The following KIFC3 variants were observed in gnomAD, a reference collection of about 807,000 sequenced individuals.
The protein encoded by KIFC3 is kinesin-like protein KIFC3.
A neutral mutation model predicts 101.8 loss-of-function variants in KIFC3; 60 were observed. The ratio of observed to expected loss-of-function variants is 0.59; its 90% CI spans 0.48 to 0.73. The LOEUF is 0.73. KIFC3 is among the 30% of genes least tolerant of loss of function. The pLI is 0.00. For synonymous variants in KIFC3, 476 were observed against 482.7 expected (o/e 0.99, Z 0.18); for missense variants, 966 against 1,137.1 (o/e 0.85, Z 2.16).
intron 1 of KIFC3, among the ~76,000 whole-genome samples, chr16:57,841,265 A>G (rs991126914): frequency 2.6e-5 from 4 of 152,338 alleles, no homozygotes; most frequent in Admixed American, 6.5e-5. Context: ...TAGGGTGGTC[A>G]AGGAAGGCCC....
At chr16:57,767,073 T>A in intron 9 of KIFC3, 88 bp from the exon 10 acceptor site, 2 of 1,005,326 alleles carry the variant, frequency 2.0e-6, no homozygotes, top group Non-Finnish European at 3.1e-6. Flanking sequence ...GCTCACTGCC[T>A]CCTGCCCCTG....
chr16:57,852,783 G>T (rs532539941), intron 1 of KIFC3, among the ~76,000 whole-genome samples: 1 of 152,130 alleles, frequency 6.6e-6, no homozygotes, highest in East Asian at 1.9e-4. Flanking sequence ...CAAACTAGGG[G>T]AGACTAAAGG....
intron 1 of KIFC3, among the ~76,000 whole-genome samples, chr16:57,855,542 A>C (rs1288129981): frequency 3.3e-5 from 5 of 152,112 alleles, no homozygotes; most frequent in South Asian, 4.1e-4. Context: ...AATTTATAAC[A>C]TCAAATGCTT....
chr16:57,797,282 A>G (rs1431729783), intron 2 of KIFC3, among the ~76,000 whole-genome samples: 1 of 152,232 alleles, frequency 6.6e-6, no homozygotes, highest in African/African-American at 2.4e-5. Context: ...CACGAGGGAC[A>G]GGGAGCAGAC....
chr16:57,846,702 C>T (rs1596866057), intron 1 of KIFC3, among the ~76,000 whole-genome samples: 1 of 152,236 alleles, frequency 6.6e-6, no homozygotes, highest in Non-Finnish European at 1.5e-5. Context: ...TACAACCGAT[C>T]CACTTTCGTT....
chr16:57,842,966 C>G (rs1368608099), intron 1 of KIFC3, among the ~76,000 whole-genome samples: 4 of 152,042 alleles, frequency 2.6e-5, no homozygotes, highest in Non-Finnish European at 2.9e-5. Context: ...AACCCCGTCT[C>G]TACTAAAAAT....
intron 2 of KIFC3, chr16:57,797,849 C>T (rs1200415704): frequency 1.4e-6 from 2 of 1,445,714 alleles, no homozygotes; most frequent in Non-Finnish European, 1.8e-6. Context: ...AAAGTTTAAC[C>T]CGGCTTCCAG....
chr16:57,777,890 A>G (rs970950270), intron 3 of KIFC3, among the ~76,000 whole-genome samples: 1 of 152,246 alleles, frequency 6.6e-6, no homozygotes, highest in African/African-American at 2.4e-5. Context: ...TTAATGTGGG[A>G]AAGGATAATC....
At chr16:57,816,105 C>G (rs1325260133) in intron 1 of KIFC3, 1 of 924,056 alleles carries the variant, frequency 1.1e-6, no homozygotes, top group African/African-American at 1.8e-5. Context: ...GTCAAATCCT[C>G]TTACCAGTGG....
chr16:57,854,645 G>A (rs199746702), intron 1 of KIFC3, among the ~76,000 whole-genome samples: 61 of 124,984 alleles, frequency 4.9e-4, no homozygotes, highest in Non-Finnish European at 5.0e-4. Flanking sequence ...AAAAAAAAAA[G>A]AAAGAAAGAA....
rs782016349 is a variant in KIFC3 at position 57,771,176 on chromosome 16, G to T, written c.765+22C>A. On this transcript the variant is annotated intron_variant, in intron 6 of 19. Transcript: ENST00000445690. ...GCCAGGGGCCTTGGGCTGAGGCACA[G>T]ATCAGGTGGGCCAGGGCTCACCTTG... 5.5e-5 allele frequency: 89 copies of T among 1,609,914 alleles called. No homozygotes were observed. In the Admixed American group the frequency reaches 1.4e-3, roughly 26 times the overall value.
rs2054792030 is a variant in KIFC3, at chr16:57,802,368, AC to A, written c.-40+1del. The A allele has an allele frequency of 1.0e-6, 1 of 981,964 alleles. No individual in the cohort carries two copies. The highest frequency in any genetic ancestry group is 1.2e-6 in the Non-Finnish European group (1 of 828,488). 60.8% of individuals were successfully genotyped at this position (981,964 alleles called of 1,614,324 possible). A position where few individuals can be genotyped will look rare whatever the true frequency, so the allele number is the denominator to read the frequency against. On this transcript the variant is annotated splice_donor_variant, in intron 1 of 19. Coordinates refer to ENST00000445690, the MANE Select transcript of KIFC3 (RefSeq NM_001130100.2). LOFTEE classifies it low-confidence loss of function (5UTR_SPLICE). This position sits in a 1 kb window ranked among gnomAD's most constrained non-coding sequence, Gnocchi z 5.0. ...CCCAGCCCGCCCGGGCCCCCCACTC[AC>A]CGGCCTGGCGGAGGCAGGATCCAGG...
intron 1 of KIFC3, chr16:57,815,686 G>A (rs1555628649): frequency 7.8e-7 from 1 of 1,276,942 alleles, no homozygotes; most frequent in South Asian, 1.2e-5. Context: ...TCCACTCGGG[G>A]CCTGGGAGAA....
rs782666457 is a variant in KIFC3, at chr16:57,760,899, C to G, written c.2059G>C (p.Glu687Gln). The change falls in exon 16 of 20, where the codon GAG becomes CAG. Residue 687 changes from glutamate to glutamine, a missense_variant. By Grantham distance (29) the Glu-to-Gln change is conservative. Coordinates refer to ENST00000445690, the MANE Select transcript of KIFC3 (RefSeq NM_001130100.2). ...GSERVGKSGA[E>Q]GSRLREAQHI... Reference sequence around the variant, plus strand: ...TGCGCCTCCCGCAGGCGGCTGCCCTCGGCCCCCGACTTGCCCACGCGCTCC... The same window carrying G: ...TGCGCCTCCCGCAGGCGGCTGCCCTGGGCCCCCGACTTGCCCACGCGCTCC... The G allele has an allele frequency of 1.2e-6, 2 of 1,609,706 alleles. No homozygotes were observed. The highest frequency in any genetic ancestry group is 4.5e-5 in the East Asian group (2 of 44,848).
chr16:57,771,236 T>C lies in KIFC3; in HGVS notation c.727A>G (p.Thr243Ala). The C allele has an allele frequency of 6.2e-7, 1 of 1,613,076 alleles. No individual in the cohort carries two copies. Among genetic ancestry groups the C allele is most frequent in the Non-Finnish European group, 8.5e-7 (1 of 1,179,994 alleles). Residue 243 changes from threonine to alanine, a missense_variant, in exon 6 of 20, where the codon ACC (threonine) becomes GCC (alanine). By Grantham distance (58) the Thr-to-Ala change is moderately conservative (BLOSUM62 0). Around this residue, in one of 2 missense-constraint regions of KIFC3, gnomAD observed 689 missense variants for 884.6 expected, o/e 0.78. Transcript: ENST00000445690. ...LSRRLRDSHE[T>A]IASLRAQSPP... Reference sequence around the variant, plus strand: ...GACTGGGCCCGCAGGCTGGCAATGGTCTCGTGGCTGTCACGCAGGCGCCGA... The same window carrying C: ...GACTGGGCCCGCAGGCTGGCAATGGCCTCGTGGCTGTCACGCAGGCGCCGA...
chr16:57,804,265 A>C (rs1178567599), upstream of KIFC3, among the ~76,000 whole-genome samples: 3 of 152,330 alleles, frequency 2.0e-5, no homozygotes, highest in East Asian at 5.8e-4. Flanking sequence ...CCATTATTGA[A>C]GCTAACACTG....
chr16:57,759,412 G>GCTTA, intron 18 of KIFC3: 1 of 594,106 alleles, frequency 1.7e-6, no homozygotes, highest in Non-Finnish European at 3.0e-6. Flanking sequence ...TCTGGAGGGG[G>GCTTA]CTTACTGCAC....
intron 2 of KIFC3, among the ~76,000 whole-genome samples, chr16:57,797,467 A>G (rs758671593): frequency 3.4e-4 from 52 of 152,208 alleles, no homozygotes; most frequent in Non-Finnish European, 6.3e-4. Context: ...CATGACCCAG[A>G]AAGGCGAGCT....
intron 1 of KIFC3, among the ~76,000 whole-genome samples, chr16:57,810,111 G>A (rs1043915575): frequency 3.3e-5 from 5 of 152,066 alleles, no homozygotes; most frequent in African/African-American, 1.2e-4. Context: ...GTCTCATCTG[G>A]TGCCACCACC....
Sources: gnomAD v4.1 joint callset for allele counts (sites outside exome capture counted in the v4.1 genomes callset) on GRCh38, gnomAD v4.1.1 for gene constraint, gnomAD v4.1.1 regional missense constraint, Gnocchi (gnomAD v3.1) non-coding constraint, MANE v1.5 for transcripts, NCBI Gene and HGNC (gene_info 2026-07-23, HGNC 2026-07-21) for gene names.